Variants in FAM24B observed in about 807,000 individuals in gnomAD.
FAM24B encodes protein FAM24B.
In FAM24B, 3 loss-of-function variants were observed where a neutral mutation model predicts 2.3. That is an observed-to-expected ratio of 1.29 (90% CI 0.59 to 3.32). The LOEUF is 3.32. Among genes scored for constraint, FAM24B ranks in the 30% most tolerant of loss-of-function variants. The probability of loss-of-function intolerance (pLI) is 0.03; values close to 1 mark genes in which losing one functional copy is unlikely to be tolerated. For missense variants in FAM24B, 98 were observed against 117.2 expected (o/e 0.84, Z 0.76); for synonymous variants, 36 against 46.3 (o/e 0.78, Z 0.90).
intron 1 of FAM24B, among the ~76,000 whole-genome samples, chr10:122,859,929 T>C (rs928953058): frequency 9.2e-5 from 14 of 152,150 alleles, no homozygotes; most frequent in Admixed American, 9.2e-4. Flanking sequence ...TCAAGACAAC[T>C]GTCTTGAATT....
At chr10:122,850,322 T>C (rs1171139980) in intron 3 of FAM24B, 102 bp downstream of exon 3, 2 of 927,752 alleles carry the variant, frequency 2.2e-6, no homozygotes, top group East Asian at 2.4e-5. Context: ...AGGAATGACC[T>C]TGCTCCAACA....
chr10:122,876,876 G>T (rs952478646), intron 1 of FAM24B, among the ~76,000 whole-genome samples: 21 of 152,208 alleles, frequency 1.4e-4, no homozygotes, highest in Middle Eastern at 3.2e-3. Flanking sequence ...AAAAACAAAA[G>T]CTTTCTAGAA....
chr10:122,860,111 A>C (rs938057499), intron 1 of FAM24B, among the ~76,000 whole-genome samples: 4 of 152,036 alleles, frequency 2.6e-5, no homozygotes, highest in Non-Finnish European at 5.9e-5. Context: ...TGACAAATGC[A>C]CAGAATCAGG....
At chr10:122,863,184 C>A (rs1452708866) in intron 1 of FAM24B, among the ~76,000 whole-genome samples, 1 of 152,190 alleles carries the variant, frequency 6.6e-6, no homozygotes, top group African/African-American at 2.4e-5. Context: ...CTCCTACCTA[C>A]AGGTAACAGT....
chr10:122,862,900 A>C (rs74163514), intron 1 of FAM24B, among the ~76,000 whole-genome samples: 1,657 of 152,074 alleles, frequency 0.011, 29 homozygotes, highest in African/African-American at 0.038. Context: ...GTATATTCCC[A>C]CTCACTGTGT....
At chr10:122,870,341 G>A (rs904334515) in intron 1 of FAM24B, among the ~76,000 whole-genome samples, 20 of 152,186 alleles carry the variant, frequency 1.3e-4, no homozygotes, top group African/African-American at 3.9e-4. Context: ...ATTCACAGCC[G>A]AATTCTACCA....
intron 1 of FAM24B, among the ~76,000 whole-genome samples, chr10:122,871,634 G>T (rs182971878): frequency 3.3e-5 from 5 of 151,924 alleles, no homozygotes; most frequent in African/African-American, 4.8e-5. Flanking sequence ...ATAATGCCGC[G>T]TATCTACAAC....
chr10:122,861,703 G>A (rs1360326380), intron 1 of FAM24B, among the ~76,000 whole-genome samples: 1 of 152,086 alleles, frequency 6.6e-6, no homozygotes, highest in Non-Finnish European at 1.5e-5. Context: ...TAGTGCTATT[G>A]TAAACAGTAT....
At chr10:122,867,821 T>TA (rs1403354751) in intron 1 of FAM24B, among the ~76,000 whole-genome samples, 1 of 151,942 alleles carries the variant, frequency 6.6e-6, no homozygotes, top group Non-Finnish European at 1.5e-5. Flanking sequence ...CAAAGGTAGA[T>TA]AAAACCACAA....
chr10:122,849,641 G>C (rs1332947368), intron 3 of FAM24B, among the ~76,000 whole-genome samples: 1 of 151,894 alleles, frequency 6.6e-6, no homozygotes, highest in South Asian at 2.1e-4. Context: ...GTAAACTGAG[G>C]TTACAAAAGC....
chr10:122,871,341 T>C (rs971223923), intron 1 of FAM24B, among the ~76,000 whole-genome samples: 8 of 152,292 alleles, frequency 5.3e-5, no homozygotes, highest in South Asian at 4.1e-4. Context: ...GAATCAATAT[T>C]GTGCAAATGG....
chr10:122,869,823 G>A (rs1310399272), intron 1 of FAM24B, among the ~76,000 whole-genome samples: 6 of 152,090 alleles, frequency 3.9e-5, no homozygotes, highest in Non-Finnish European at 5.9e-5. Context: ...ATGCCCACAA[G>A]AGAAAGGAGG....
At chr10:122,857,680 GT>G (rs1847662091) in intron 1 of FAM24B, among the ~76,000 whole-genome samples, 1 of 152,102 alleles carries the variant, frequency 6.6e-6, no homozygotes, top group Admixed American at 6.5e-5. Flanking sequence ...TATTTCTCTA[GT>G]TTTGTCATTT....
chr10:122,858,204 C>T lies in FAM24B; in HGVS notation c.-177-2418G>A, dbSNP rs1189423481. ...TTAAGAAAATGTGGCACATATACAC[C>T]ATGGAATACTATGCAGCCATAAAAA... On this transcript the variant is annotated intron_variant, in intron 1 of 3. Coordinates refer to ENST00000368898, the MANE Select transcript of FAM24B (RefSeq NM_152644.3). Among the ~76,000 whole-genome samples, 3 of 152,096 alleles carry T rather than the reference C, an allele frequency of 2.0e-5. No individual in the cohort carries two copies. The East Asian group carries it at 5.8e-4, about 29-fold the overall frequency.
rs111724337 is a variant in FAM24B, at chr10:122,874,061, T to C, written c.-178+5424A>G. Among the ~76,000 whole-genome samples, 979 of 152,302 alleles carry C rather than the reference T, an allele frequency of 6.4e-3. 8 individuals are homozygous for C. Among genetic ancestry groups the C allele is most frequent in the African/African-American group, 0.016 (668 of 41,550 alleles). On this transcript the variant is annotated intron_variant, in intron 1 of 3. Coordinates refer to ENST00000368898, the MANE Select transcript of FAM24B (RefSeq NM_152644.3). ...ATGTGCTCTATCTTGGTAAATGTTC[T>C]AGGAGTGTTTCAGAAAAATGTGTAT...
In FAM24B at chr10:122,870,649, C is replaced by T. The variant is rs370712464; in HGVS notation, c.-178+8836G>A. On this transcript the variant is annotated intron_variant, in intron 1 of 3. Transcript: ENST00000368898. ...GGTTCAACATATGCAAATCAATAAA[C>T]GTAATCCAGCATATAAACAGAAACA... Among the ~76,000 whole-genome samples the T allele has an allele frequency of 8.4e-4, 128 of 152,212 alleles. 2 individuals carry two copies. The South Asian group carries it at 0.023, about 28-fold the overall frequency.
intron 1 of FAM24B, among the ~76,000 whole-genome samples, chr10:122,873,497 C>T (rs1400946884): frequency 3.9e-5 from 6 of 152,200 alleles, no homozygotes; most frequent in East Asian, 1.9e-4. Context: ...CCCAAGAGCT[C>T]GGATGGTGAT....
At chr10:122,866,503 AC>A (rs1438387397) in intron 1 of FAM24B, among the ~76,000 whole-genome samples, 1 of 151,842 alleles carries the variant, frequency 6.6e-6, no homozygotes, top group Non-Finnish European at 1.5e-5. Flanking sequence ...ATTTCTGGCA[AC>A]CCTGTATTAA....
chr10:122,863,168 C>T (rs1847753002), intron 1 of FAM24B, among the ~76,000 whole-genome samples: 1 of 152,166 alleles, frequency 6.6e-6, no homozygotes, highest in Non-Finnish European at 1.5e-5. Flanking sequence ...GGAAAGAATT[C>T]AGCTGCTCCT....
Sources: gnomAD v4.1 joint callset for allele counts (sites outside exome capture counted in the v4.1 genomes callset) on GRCh38, gnomAD v4.1.1 for gene constraint, MANE v1.5 for transcripts, NCBI Gene and HGNC (gene_info 2026-07-23, HGNC 2026-07-21) for gene names.